WDR24: variants seen among roughly 807,000 people sequenced by gnomAD.
WDR24 encodes the protein GATOR2 complex protein WDR24.
A neutral mutation model predicts 66.7 loss-of-function variants in WDR24; 32 were observed. That is an observed-to-expected ratio of 0.48 (90% CI 0.36 to 0.64). WDR24 has a LOEUF of 0.64. Among genes scored for constraint, WDR24 ranks in the 30% least tolerant of loss-of-function variants. WDR24 has a pLI of 0.00. For synonymous variants in WDR24, 565 were observed against 469.1 expected (o/e 1.20, Z -2.64); for missense variants, 978 against 1,144.1 (o/e 0.85, Z 2.09).
At chr16:686,333 G>A (rs1467897157) in intron 3 of WDR24, 147 bp from the exon 4 acceptor site, 5 of 949,256 alleles carry the variant, frequency 5.3e-6, no homozygotes, top group Non-Finnish European at 7.7e-6. Flanking sequence ...GAAAGCTGAG[G>A]CTCATGGGAA....
intron 1 of WDR24, among the ~76,000 whole-genome samples, chr16:688,635 G>A (rs560650256): frequency 1.6e-3 from 251 of 152,356 alleles, no homozygotes; most frequent in Non-Finnish European, 2.6e-3. Context: ...AGGCCCCTGA[G>A]GGCTCCGCCT....
chr16:686,356 C>T (rs534498768), intron 3 of WDR24, among the ~76,000 whole-genome samples, 170 bp from the exon 4 acceptor site: 7 of 152,336 alleles, frequency 4.6e-5, no homozygotes, highest in South Asian at 4.1e-4. Flanking sequence ...ACAAAAACCC[C>T]GGTCCCCGCC....
chr16:686,962 C>A lies in WDR24; in HGVS notation c.1114G>T (p.Asp372Tyr). ...AESGRKPYTG[D>Y]RRHPIFFKRK... ...TTAAAGAAGATGGGGTGGCGCCGGT[C>A]GCCAGTGTAGGGCTTGCGCCCCGAC... The change falls in exon 3 of 9, where the codon GAC becomes TAC. Residue 372 changes from aspartate to tyrosine, a missense_variant. Transcript: ENST00000293883. The A allele has an allele frequency of 6.3e-7, 1 of 1,599,666 alleles. No individual in the cohort carries two copies.
At chr16:688,285 C>T (rs1164553145) in intron 1 of WDR24, among the ~76,000 whole-genome samples, 1 of 152,122 alleles carries the variant, frequency 6.6e-6, no homozygotes, top group African/African-American at 2.4e-5. Flanking sequence ...GCAGGGGAGG[C>T]AGCTCAGGAT....
chr16:685,657 C>T, intron 6 of WDR24, 22 bp downstream of exon 6: 2 of 1,612,514 alleles, frequency 1.2e-6, no homozygotes, highest in South Asian at 1.1e-5. Flanking sequence ...CTGAACCCCA[C>T]CCTGCCCGGA....
At chr16:687,440 A>C in intron 2 of WDR24, 24 bp from the exon 3 acceptor site, 4 of 1,572,342 alleles carry the variant, frequency 2.5e-6, no homozygotes, top group Non-Finnish European at 3.4e-6. Flanking sequence ...GTCCACCCAA[A>C]CCCTCAGTGG....
chr16:687,152 G>A lies in WDR24; in HGVS notation c.924C>T (p.Pro308=), dbSNP rs760309620. The change falls in exon 3 of 9, where the codon CCC becomes CCT. Residue 308 remains proline (P), a synonymous_variant. Transcript: ENST00000293883. ...DVTTGIAWRH[P]HDPSFLLSGS... ...CAGACAGCAGGAAGGAGGGGTCGTGGGGGTGGCGCCAGGCAATTCCCGTGG... is the reference window on the plus strand; with the variant it reads ...CAGACAGCAGGAAGGAGGGGTCGTGAGGGTGGCGCCAGGCAATTCCCGTGG... 11 of 1,612,452 alleles carry A rather than the reference G, an allele frequency of 6.8e-6. No individual in the cohort carries two copies. In the African/African-American group the frequency reaches 1.2e-4, roughly 18 times the overall value.
chr16:689,075 T>C (rs1052037521), intron 1 of WDR24, 85 bp downstream of exon 1: 6 of 1,560,426 alleles, frequency 3.8e-6, no homozygotes, highest in African/African-American at 1.4e-5. Context: ...GGGCCTCTGA[T>C]GCACGGAGCC....
chr16:684,645 G>T lies in WDR24; in HGVS notation c.*89C>A. 3 of 1,460,972 alleles carry T rather than the reference G, an allele frequency of 2.1e-6. No homozygotes were observed. The South Asian group carries it at 4.1e-5, about 20-fold the overall frequency. The allele number at this position is 1,460,972 out of a possible 1,614,324, so 90.5% of individuals were successfully genotyped here. ...CAGCGGCTCTACTTCCTTTATTGAG[G>T]TCTCAAGTTCCAGCCTCCGCCCGTC... On this transcript the variant is annotated 3_prime_UTR_variant, in exon 9 of 9. Coordinates refer to ENST00000293883, the MANE Select transcript of WDR24 (RefSeq NM_032259.4).
At position 686,168 on chromosome 16, in the gene WDR24, T is replaced by C. The variant is rs1012003640; in HGVS notation, c.1351A>G (p.Met451Val). ...GRNQVAQTWTMLRIIYCSPGL... is the reference protein window; with the variant it reads ...GRNQVAQTWTVLRIIYCSPGL... Reference sequence around the variant, plus strand: ...GGGCTGCAGTAGATGATCCGCAGCATGGTCCACGTTTGCGCCACCTAGGGG... The same window carrying C: ...GGGCTGCAGTAGATGATCCGCAGCACGGTCCACGTTTGCGCCACCTAGGGG... The change falls in exon 4 of 9, where the codon ATG becomes GTG. Residue 451 changes from methionine (M) to valine (V), a missense_variant. Transcript: ENST00000293883. 8 of 1,612,900 alleles carry C rather than the reference T, an allele frequency of 5.0e-6. No individual in the cohort carries two copies. Among genetic ancestry groups the C allele is most frequent in the Non-Finnish European group, 6.8e-6 (8 of 1,179,960 alleles).
In WDR24 at chr16:687,733, G is replaced by A. The variant is rs762076686; in HGVS notation, c.488C>T (p.Ser163Leu). The A allele has an allele frequency of 2.5e-6, 4 of 1,612,694 alleles. No homozygotes were observed. The highest frequency in any genetic ancestry group is 2.2e-5 in the East Asian group (1 of 44,836). Residue 163 changes from serine to leucine, a missense_variant, in exon 2 of 9, where the codon TCG becomes TTG. By Grantham distance (145) the Ser-to-Leu change is moderately radical. Transcript: ENST00000293883. ...KDSVSTFSGQ[S>L]ESVRDVQFSI... Reference sequence around the variant, plus strand: ...GAACTGCACGTCCCGCACGCTCTCCGACTGGCCTGCAGGCAGGAGGTCGAT... The same window carrying A: ...GAACTGCACGTCCCGCACGCTCTCCAACTGGCCTGCAGGCAGGAGGTCGAT...
At chr16:685,220 G>GCGGCGCTGCA in intron 7 of WDR24, 37 bp downstream of exon 7, 1 of 1,597,648 alleles carries the variant, frequency 6.3e-7, no homozygotes, top group Non-Finnish European at 8.5e-7. Flanking sequence ...GGTGCCAGGG[G>GCGGCGCTGCA]CGGCGCTGCA....
At position 686,877 on chromosome 16, in the gene WDR24, A is replaced by G; in HGVS notation, c.1199T>C (p.Phe400Ser). Residue 400 changes from phenylalanine (F) to serine (S), a missense_variant, in exon 3 of 9, where the codon TTT (phenylalanine) becomes TCT (serine). Transcript: ENST00000293883. The stretch of plus-strand genomic sequence containing the variant: ...GCCGCCGCCACCTGGCTCCGTCTCA[A>G]AGACACTGAGGGCACTGGAGGCGAG... The part of the protein sequence containing the change: ...AGLASSALSV[F>S]ETEPGGGGMR... 6.2e-7 allele frequency: 1 copy of G among 1,610,120 alleles called. No homozygotes were observed. The highest frequency in any genetic ancestry group is 8.5e-7 in the Non-Finnish European group (1 of 1,179,676).
chr16:684,883 TGCTGGCGCA>T lies in WDR24; in HGVS notation c.2215_2223del (p.Cys739_Ser741del). On this transcript the variant is annotated inframe_deletion, in exon 9 of 9. Coordinates refer to ENST00000293883, the MANE Select transcript of WDR24 (RefSeq NM_032259.4). ...ACTACGTGGTGGCAGACGGCACACA[TGCTGGCGCA>T]GCGGTGGCACCTGGGGGCGGGCGGG... is the stretch of plus-strand genomic sequence containing the variant. The T allele has an allele frequency of 1.0e-6, 1 of 983,912 alleles. No homozygotes were observed. Among genetic ancestry groups the T allele is most frequent in the Non-Finnish European group, 1.4e-6 (1 of 713,758 alleles). The allele number at this position is 983,912 out of a possible 1,614,324, so 60.9% of individuals were successfully genotyped here.
Position 685,108 on chromosome 16 carries a change from C to G in WDR24, c.2088G>C (p.Val696=), listed in dbSNP as rs1325951563. The G allele has an allele frequency of 1.3e-6, 2 of 1,557,238 alleles. No homozygotes were observed. The highest frequency in any genetic ancestry group is 1.7e-6 in the Non-Finnish European group (2 of 1,151,254). Residue 696 remains valine, a synonymous_variant, in exon 8 of 9, where the codon GTG becomes GTC. Transcript: ENST00000293883. ...CGGCGCGGCTGGTGCTCAGCTTGAC[C>G]ACCTCGTTGGACACGTTCCAGAGGC... ...RFRLWNVSNE[V]VKLSTSRAVS... is the part of the protein sequence containing the mutation.
rs774470542 is a variant in WDR24, at chr16:685,927, T to C, written c.1515A>G (p.Gly505=). 1 of 1,612,948 alleles carries C rather than the reference T, an allele frequency of 6.2e-7. No individual in the cohort carries two copies. Among genetic ancestry groups the C allele is most frequent in the Non-Finnish European group, 8.5e-7 (1 of 1,179,938 alleles). ...GSETRLDRSK[G]DARSDTVLLD... is the part of the protein sequence containing the mutation. ...GCAGAACTGTGTCGCTCCGTGCATC[T>C]CCTTTGCTGCGGTCCAGCCGCGTCT... The change falls in exon 5 of 9, where the codon GGA becomes GGG. Residue 505 remains glycine, a synonymous_variant. Coordinates refer to ENST00000293883, the MANE Select transcript of WDR24 (RefSeq NM_032259.4).
Position 687,413 on chromosome 16 carries a change from G to A in WDR24, c.663C>T (p.Gly221=), listed in dbSNP as rs750175790. The change falls in exon 3 of 9, where the codon GGC becomes GGT. Residue 221 remains glycine (G), a synonymous_variant. Transcript: ENST00000293883. The part of the protein sequence containing the change: ...FCCDWHPEDR[G]WLATGGRDKM... ...TGTCGCGCCCTCCAGTGGCCAACCAGCCCCTGTGGGAAGAAGGTCCACCCA... is the reference window on the plus strand; with the variant it reads ...TGTCGCGCCCTCCAGTGGCCAACCAACCCCTGTGGGAAGAAGGTCCACCCA... 6.9e-6 allele frequency: 11 copies of A among 1,585,080 alleles called. No homozygotes were observed. The South Asian group carries it at 1.1e-4, about 16-fold the overall frequency.
chr16:684,689 G>T lies in WDR24; in HGVS notation c.*45C>A. 2 of 1,530,344 alleles carry T rather than the reference G, an allele frequency of 1.3e-6. No individual in the cohort carries two copies. Among genetic ancestry groups the T allele is most frequent in the East Asian group, 2.4e-5 (1 of 41,440 alleles). The allele number at this position is 1,530,344 out of a possible 1,614,324, so 94.8% of individuals were successfully genotyped here. ...GCCCGTCTCGGGCACAAGACCAGGCGGGGTTCTGCACGCGGCCGCCCGGGC... is the reference window on the plus strand; with the variant it reads ...GCCCGTCTCGGGCACAAGACCAGGCTGGGTTCTGCACGCGGCCGCCCGGGC... On this transcript the variant is annotated 3_prime_UTR_variant, in exon 9 of 9. Transcript: ENST00000293883.
chr16:686,276 G>A, intron 3 of WDR24, 90 bp from the exon 4 acceptor site: 1 of 1,417,516 alleles, frequency 7.1e-7, no homozygotes, highest in Non-Finnish European at 9.6e-7. Flanking sequence ...CAAGCCCTCA[G>A]CATTCAGCTG....
Sources: gnomAD v4.1 joint callset for allele counts (sites outside exome capture counted in the v4.1 genomes callset) on GRCh38, gnomAD v4.1.1 for gene constraint, MANE v1.5 for transcripts, NCBI Gene and HGNC (gene_info 2026-07-23, HGNC 2026-07-21) for gene names.